The following CTIF variants were observed in gnomAD, a reference collection of about 807,000 sequenced individuals.
CTIF encodes the protein CBP80/20-dependent translation initiation factor.
In CTIF, 21 loss-of-function variants were observed where a neutral mutation model predicts 66.0. That is an observed-to-expected ratio of 0.32 (90% CI 0.23 to 0.46). The LOEUF (loss-of-function observed/expected upper bound fraction) is 0.46. CTIF is among the 20% of genes least tolerant of loss of function. The pLI is 1.00. For synonymous variants in CTIF, 345 were observed against 326.4 expected, an observed-to-expected ratio of 1.06 and a Z score of -0.62; for missense variants, 739 against 812.7, an observed-to-expected ratio of 0.91 and a Z score of 1.10.
intron 1 of CTIF, among the ~76,000 whole-genome samples, chr18:48,562,928 C>T (rs1366407947): frequency 2.0e-5 from 3 of 152,312 alleles, no homozygotes; most frequent in South Asian, 2.1e-4. Flanking sequence ...TAAAAATCAG[C>T]AAAGGAGACT....
intron 1 of CTIF, among the ~76,000 whole-genome samples, chr18:48,547,356 C>A (rs1385327556): frequency 2.0e-5 from 3 of 152,208 alleles, no homozygotes; most frequent in Non-Finnish European, 2.9e-5. Context: ...GTGCCCTGTG[C>A]AGATTGCAGT....
chr18:48,690,798 C>G, intron 6 of CTIF, among the ~76,000 whole-genome samples: 1 of 151,922 alleles, frequency 6.6e-6, no homozygotes. Flanking sequence ...CCATTTCCTC[C>G]TATCTAGGAT....
intron 10 of CTIF, among the ~76,000 whole-genome samples, chr18:48,855,561 G>A (rs1480913407): frequency 2.6e-5 from 4 of 152,224 alleles, no homozygotes; most frequent in Non-Finnish European, 5.9e-5. Flanking sequence ...CAACAGAACC[G>A]TCTCTGCGTC....
chr18:48,794,001 C>T (rs2067852278), intron 9 of CTIF, among the ~76,000 whole-genome samples: 1 of 151,680 alleles, frequency 6.6e-6, no homozygotes, highest in Non-Finnish European at 1.5e-5. Flanking sequence ...TTCGCTTCTG[C>T]TCTACAGATT....
intron 9 of CTIF, among the ~76,000 whole-genome samples, chr18:48,763,465 C>T (rs568837019): frequency 2.0e-5 from 3 of 152,364 alleles, no homozygotes; most frequent in South Asian, 2.1e-4. Context: ...TCAACCACAA[C>T]GTGCACTGGT....
At chr18:48,779,597 T>A (rs1382836717) in intron 9 of CTIF, among the ~76,000 whole-genome samples, 1 of 152,170 alleles carries the variant, frequency 6.6e-6, no homozygotes, top group Non-Finnish European at 1.5e-5. Context: ...GGCCTTGGGC[T>A]CTCCCCACTG....
At chr18:48,837,369 C>G (rs80244656) in intron 10 of CTIF, among the ~76,000 whole-genome samples, 4 of 152,124 alleles carry the variant, frequency 2.6e-5, no homozygotes, top group African/African-American at 9.6e-5. Flanking sequence ...CAGAGGACAC[C>G]GAGACCACTG....
At chr18:48,658,441 G>T (rs2091282023) in intron 3 of CTIF, among the ~76,000 whole-genome samples, 1 of 143,416 alleles carries the variant, frequency 7.0e-6, no homozygotes, top group Non-Finnish European at 1.6e-5. Flanking sequence ...ATATGGGTGT[G>T]GTGTGGATGT....
chr18:48,588,579 C>T (rs1400507690), intron 1 of CTIF, among the ~76,000 whole-genome samples: 1 of 152,218 alleles, frequency 6.6e-6, no homozygotes, highest in African/African-American at 2.4e-5. Flanking sequence ...CCTGCCTCTC[C>T]TGACCCCTGC....
At chr18:48,831,633 T>C (rs1250116345) in intron 10 of CTIF, among the ~76,000 whole-genome samples, 1 of 152,232 alleles carries the variant, frequency 6.6e-6, no homozygotes, top group Non-Finnish European at 1.5e-5. Flanking sequence ...AGAATTCACC[T>C]ATGGAGCAAC....
chr18:48,844,584 G>A (rs1025748948), intron 10 of CTIF, among the ~76,000 whole-genome samples: 4 of 152,170 alleles, frequency 2.6e-5, no homozygotes, highest in South Asian at 2.1e-4. Context: ...GTGCCCGCCC[G>A]CCTTAGTTAG....
At chr18:48,565,433 A>G (rs759267776) in intron 1 of CTIF, 1 of 152,086 alleles carries the variant, frequency 6.6e-6, no homozygotes, top group African/African-American at 2.4e-5. Context: ...GCCTTGGGGC[A>G]TGTGGGAAGG....
intron 1 of CTIF, among the ~76,000 whole-genome samples, chr18:48,541,849 C>T (rs1397110780): frequency 1.3e-5 from 2 of 151,946 alleles, no homozygotes; most frequent in Non-Finnish European, 2.9e-5. Flanking sequence ...CCCCCTCCCC[C>T]GCCAGATATC....
intron 2 of CTIF, among the ~76,000 whole-genome samples, chr18:48,630,707 G>A (rs542317680): frequency 1.8e-3 from 267 of 147,960 alleles, no homozygotes; most frequent in African/African-American, 6.2e-3. Context: ...TTGGAGTCTC[G>A]CTCTGTTGCC....
Position 48,859,997 on chromosome 18 carries a change from G to T in CTIF, c.*438G>T, listed in dbSNP as rs749642603. The T allele has an allele frequency of 4.4e-6, 2 of 458,858 alleles. No individual in the cohort carries two copies. The highest frequency in any genetic ancestry group is 1.5e-5 in the South Asian group (1 of 64,518). The allele number at this position is 458,858 out of a possible 1,614,324, so 28.4% of individuals were successfully genotyped here. On this transcript the variant is annotated 3_prime_UTR_variant, in exon 12 of 12. Transcript: ENST00000256413. ...GAAAAAGTGGGTCGGAGACGGGCTC[G>T]CATTGTTCCCGCATGCTGTCAGCCG...
At chr18:48,658,599 GTGTA>G (rs1163528592) in intron 3 of CTIF, among the ~76,000 whole-genome samples, 2 of 152,130 alleles carry the variant, frequency 1.3e-5, no homozygotes, top group South Asian at 2.1e-4. Flanking sequence ...ATGCATGTGT[GTGTA>G]TGTATGTGTG....
intron 6 of CTIF, among the ~76,000 whole-genome samples, chr18:48,710,958 C>A (rs1193532683): frequency 6.6e-6 from 1 of 152,130 alleles, no homozygotes; most frequent in Non-Finnish European, 1.5e-5. Context: ...GATGACAAAA[C>A]AAGACCCTGT....
At chr18:48,554,652 G>A (rs188674753) in intron 1 of CTIF, among the ~76,000 whole-genome samples, 2 of 152,338 alleles carry the variant, frequency 1.3e-5, no homozygotes, top group East Asian at 1.9e-4. Flanking sequence ...CCAGCTTTTC[G>A]GAGAGAAAGA....
At chr18:48,647,635 AAAGT>A (rs2091069591) in intron 3 of CTIF, among the ~76,000 whole-genome samples, 1 of 152,278 alleles carries the variant, frequency 6.6e-6, no homozygotes, top group African/African-American at 2.4e-5. Context: ...CAAAATACAA[AAAGT>A]AATTTGTAAA....
Sources: allele counts gnomAD v4.1 joint callset (sites outside exome capture counted in the v4.1 genomes callset), GRCh38; gene constraint gnomAD v4.1.1; transcripts MANE v1.5; gene names NCBI Gene and HGNC (gene_info 2026-07-23, HGNC 2026-07-21).